Variants in ALK observed in about 807,000 individuals in gnomAD.
The protein encoded by ALK is ALK tyrosine kinase receptor.
ALK carries 74 observed loss-of-function variants against 163.1 expected under a neutral mutation model. The observed-to-expected ratio is 0.45, with a 90% confidence interval of 0.38 to 0.55. The LOEUF is 0.55. Ranked by LOEUF, ALK falls within the 20% of genes least tolerant of loss-of-function variation. The pLI is 0.00. For synonymous variants in ALK, 960 were observed against 843.2 expected (o/e 1.14, Z -2.40); for missense variants, 2,063 against 2,105.3 (o/e 0.98, Z 0.39).
intron 4 of ALK, among the ~76,000 whole-genome samples, chr2:29,522,137 A>T (rs995628142): frequency 2.0e-5 from 3 of 152,224 alleles, no homozygotes; most frequent in Non-Finnish European, 4.4e-5. Context: ...GTTACCATCC[A>T]TAGAGTGGTG....
intron 4 of ALK, among the ~76,000 whole-genome samples, chr2:29,417,001 T>G (rs1295515958): frequency 3.7e-5 from 4 of 107,408 alleles, no homozygotes; most frequent in African/African-American, 1.3e-4. Context: ...TTTTTTTTTT[T>G]TTTTGAGATG....
chr2:29,222,671 G>A, intron 20 of ALK, 64 bp from the exon 21 acceptor site: 1 of 1,470,998 alleles, frequency 6.8e-7, no homozygotes, highest in Non-Finnish European at 9.4e-7. Flanking sequence ...GGCAGCTGGG[G>A]GTCCTGAGCC....
intron 11 of ALK, among the ~76,000 whole-genome samples, chr2:29,268,398 A>C (rs1248216767): frequency 2.0e-5 from 3 of 152,222 alleles, no homozygotes; most frequent in Non-Finnish European, 4.4e-5. Flanking sequence ...GATCAGAATC[A>C]GAAGTCTCTC....
At chr2:29,498,076 T>G (rs1672077105) in intron 4 of ALK, among the ~76,000 whole-genome samples, 1 of 152,180 alleles carries the variant, frequency 6.6e-6, no homozygotes, top group African/African-American at 2.4e-5. Context: ...CAAATGCATT[T>G]CAGTAAGTGC....
intron 1 of ALK, among the ~76,000 whole-genome samples, chr2:29,781,475 A>C (rs1681329961): frequency 6.6e-6 from 1 of 152,230 alleles, no homozygotes; most frequent in Non-Finnish European, 1.5e-5. Context: ...AGGAGAGAGA[A>C]CATGCCTGCA....
rs577515745 is a variant in ALK, at chr2:29,349,194, G to A, written c.1283-20713C>T. Reference sequence around the variant, plus strand: ...CCATCGGCTCAGGGAAGACAGTAGAGTCTGCCTTATTCTATGGGCTCACTG... The same window carrying A: ...CCATCGGCTCAGGGAAGACAGTAGAATCTGCCTTATTCTATGGGCTCACTG... On this transcript the variant is annotated intron_variant, in intron 5 of 28. Transcript: ENST00000389048. Among the ~76,000 whole-genome samples the A allele has an allele frequency of 3.9e-5, 6 of 152,268 alleles. No homozygotes were observed. In the South Asian group the frequency reaches 8.3e-4, roughly 21 times the overall value.
Position 29,687,196 on chromosome 2 carries a change from T to A in ALK, c.952+7654A>T, listed in dbSNP as rs146072104. ...GTGTGTTTCTGTACTCTTACTTAGA[T>A]GCTGGGATTGGCCCCTGGGTATATT... On this transcript the variant is annotated intron_variant, in intron 3 of 28. Coordinates refer to ENST00000389048, the MANE Select transcript of ALK (RefSeq NM_004304.5). Among the ~76,000 whole-genome samples, 248 of 152,160 alleles carry A rather than the reference T, an allele frequency of 1.6e-3. 5 individuals carry two copies. Among genetic ancestry groups the A allele is most frequent in the Admixed American group, 0.014 (212 of 15,288 alleles).
chr2:29,798,033 G>GGTGAGCAC, intron 1 of ALK, among the ~76,000 whole-genome samples: 1 of 152,134 alleles, frequency 6.6e-6, no homozygotes, highest in Non-Finnish European at 1.5e-5. Flanking sequence ...TTGTGACCAG[G>GGTGAGCAC]TATCTTAAGG....
intron 9 of ALK, among the ~76,000 whole-genome samples, chr2:29,292,476 T>G (rs557077171): frequency 6.0e-4 from 91 of 152,160 alleles, no homozygotes; most frequent in African/African-American, 2.1e-3. Context: ...TGAGAAAAGG[T>G]AGAATTAATT....
chr2:29,500,755 T>C (rs1672151336), intron 4 of ALK, among the ~76,000 whole-genome samples: 1 of 152,284 alleles, frequency 6.6e-6, no homozygotes, highest in South Asian at 2.1e-4. Context: ...CCCAGCTGGT[T>C]AAATCTTCCC....
chr2:29,421,924 T>G (rs149291266), intron 4 of ALK, among the ~76,000 whole-genome samples: 1 of 151,758 alleles, frequency 6.6e-6, no homozygotes, highest in East Asian at 1.9e-4. Context: ...TTGCTAGAAA[T>G]TCTAGAAAAG....
Position 29,565,452 on chromosome 2 carries a change from AG to A in ALK, c.953-33337del, listed in dbSNP as rs1157616877. ...TTGAGGGGAGGCCGGTGGAAAGGAA[AG>A]GGGAACAGAGGAGTGCTAGAAACCA... is the stretch of plus-strand genomic sequence containing the variant. On this transcript the variant is annotated intron_variant, in intron 3 of 28. Transcript: ENST00000389048. 2.6e-5 allele frequency among the ~76,000 whole-genome samples: 4 copies of A among 152,310 alleles called. No homozygotes were observed. The East Asian group carries it at 7.7e-4, about 29-fold the overall frequency.
intron 4 of ALK, among the ~76,000 whole-genome samples, chr2:29,414,760 C>T (rs933724365): frequency 6.7e-4 from 102 of 152,186 alleles, no homozygotes; most frequent in African/African-American, 2.3e-3. Context: ...TGCATGCAAA[C>T]GATCCTTCCC....
rs77153530 is a variant in ALK, at chr2:29,436,852, C to T, written c.1155-52993G>A. Among the ~76,000 whole-genome samples the T allele has an allele frequency of 2.0e-5, 3 of 152,102 alleles. No homozygotes were observed. In the East Asian group the frequency reaches 5.8e-4, roughly 29 times the overall value. On this transcript the variant is annotated intron_variant, in intron 4 of 28. Coordinates refer to ENST00000389048, the MANE Select transcript of ALK (RefSeq NM_004304.5). ...AACATCTGTGCACTGTGATCACAGA[C>T]CAGCCAGAGGAGAAAATGGCTCTGG...
chr2:29,901,030 C>CAAGA (rs1204253838), intron 1 of ALK, among the ~76,000 whole-genome samples: 5 of 151,288 alleles, frequency 3.3e-5, no homozygotes, highest in African/African-American at 1.2e-4. Context: ...AGCAAGCAAG[C>CAAGA]AAGCTTTTCC....
At chr2:29,236,248 A>G (rs1204756321) in intron 13 of ALK, among the ~76,000 whole-genome samples, 3 of 152,026 alleles carry the variant, frequency 2.0e-5, no homozygotes, top group African/African-American at 7.2e-5. Context: ...GGGGCTGCCC[A>G]GTCTGAACCA....
intron 4 of ALK, among the ~76,000 whole-genome samples, chr2:29,455,516 C>G (rs995117891): frequency 6.6e-6 from 1 of 152,122 alleles, no homozygotes; most frequent in Admixed American, 6.5e-5. Context: ...TCTTTTTTCC[C>G]TCCGTCTTCT....
Position 29,193,781 on chromosome 2 carries a change from GCT to G in ALK, c.4304_4305del (p.Glu1435AlafsTer32). Reference protein sequence around the residue: ...LVSQQAKREEERSPAAPPPLP... With the variant: ...LVSQQAKREEXRSPAAPPPLP... The stretch of plus-strand genomic sequence containing the variant: ...AGAGGTGGTGGGGCAGCTGGGCTGC[GCT>G]CCTCCTCCCGTTTTGCCTGTTGAGA... On this transcript the variant is annotated frameshift_variant, in exon 29 of 29. Transcript: ENST00000389048. LOFTEE classifies it low-confidence loss of function (END_TRUNC). 6.3e-7 allele frequency: 1 copy of G among 1,593,952 alleles called. No homozygotes were observed. Among genetic ancestry groups the G allele is most frequent in the Non-Finnish European group, 8.5e-7 (1 of 1,169,658 alleles).
At chr2:29,268,814 A>T (rs1665305746) in intron 11 of ALK, among the ~76,000 whole-genome samples, 1 of 152,138 alleles carries the variant, frequency 6.6e-6, no homozygotes, top group African/African-American at 2.4e-5. Context: ...CCTGCATTTG[A>T]TTAGTGGGTC....
Sources: gnomAD v4.1 joint callset for allele counts (sites outside exome capture counted in the v4.1 genomes callset) on GRCh38, gnomAD v4.1.1 for gene constraint, MANE v1.5 for transcripts, NCBI Gene and HGNC (gene_info 2026-07-23, HGNC 2026-07-21) for gene names.